ATF2: variants seen among roughly 807,000 people sequenced by gnomAD.
ATF2 encodes the protein activating transcription factor 2.
In ATF2, 24 loss-of-function variants were observed where a neutral mutation model predicts 60.6. That is an observed-to-expected ratio of 0.40 (90% CI 0.29 to 0.56). The LOEUF (loss-of-function observed/expected upper bound fraction) is 0.56. Ranked by LOEUF, ATF2 falls within the 20% of genes least tolerant of loss-of-function variation. ATF2 has a pLI of 0.54. For missense variants in ATF2, 433 were observed against 607.7 expected, an observed-to-expected ratio of 0.71 and a Z score of 3.02; for synonymous variants, 206 against 215.4, an observed-to-expected ratio of 0.96 and a Z score of 0.38.
At chr2:175,150,211 T>TATAA (rs1699218128) in intron 2 of ATF2, among the ~76,000 whole-genome samples, 1 of 152,196 alleles carries the variant, frequency 6.6e-6, no homozygotes, top group Admixed American at 6.5e-5. Context: ...AGATTTAAAT[T>TATAA]ATTTTCCGAA....
chr2:175,116,088 C>T (rs541840487), intron 7 of ATF2, among the ~76,000 whole-genome samples: 17 of 152,050 alleles, frequency 1.1e-4, no homozygotes, highest in African/African-American at 4.1e-4. Context: ...AGGGCTTATG[C>T]CAAGGAGTGT....
chr2:175,126,789 C>T (rs1163477760), intron 4 of ATF2: 1 of 152,102 alleles, frequency 6.6e-6, no homozygotes, highest in Non-Finnish European at 1.5e-5. Context: ...CAAAACTAGT[C>T]TTTGTCCAAA....
At chr2:175,113,253 G>A (rs979249922) in intron 9 of ATF2, among the ~76,000 whole-genome samples, 2 of 150,644 alleles carry the variant, frequency 1.3e-5, no homozygotes, top group East Asian at 3.9e-4. Flanking sequence ...GTTTTTAAAT[G>A]TTCATTAAAC....
intron 10 of ATF2, among the ~76,000 whole-genome samples, chr2:175,104,968 G>A (rs1695552938): frequency 6.6e-6 from 1 of 152,072 alleles, no homozygotes; most frequent in Non-Finnish European, 1.5e-5. Context: ...TGTAAGTGCT[G>A]AGATAATCTT....
chr2:175,088,166 G>GT (rs1320357781), intron 12 of ATF2, among the ~76,000 whole-genome samples: 2 of 152,120 alleles, frequency 1.3e-5, no homozygotes, highest in Admixed American at 6.5e-5. Flanking sequence ...AGCTTCAAAT[G>GT]TAAGTATTAG....
At chr2:175,128,920 C>A (rs1553510871) in intron 4 of ATF2, among the ~76,000 whole-genome samples, 1 of 151,946 alleles carries the variant, frequency 6.6e-6, no homozygotes, top group Admixed American at 6.6e-5. Context: ...CCAACAAACA[C>A]ATGAAAAAAG....
chr2:175,134,971 T>C (rs555586126), intron 3 of ATF2, among the ~76,000 whole-genome samples: 1 of 124,742 alleles, frequency 8.0e-6, no homozygotes, highest in African/African-American at 3.2e-5. Context: ...GCCACTGCAA[T>C]CCAGCCTGGG....
At position 175,117,838 on chromosome 2, in the gene ATF2, CTGAAATATCTGAGTAT is replaced by C. The variant is rs1245503138; in HGVS notation, c.447+136_447+151del. ...CAATAAAAGCTGCAGTCTTCTTACCCTGAAATATCTGAGTATTGACAGGCTTTCACATATAAAACTA... is the reference window on the plus strand; with the variant it reads ...CAATAAAAGCTGCAGTCTTCTTACCCTGACAGGCTTTCACATATAAAACTA... On this transcript the variant is annotated intron_variant, in intron 7 of 13. Coordinates refer to ENST00000264110, the MANE Select transcript of ATF2 (RefSeq NM_001880.4). 40 of 806,244 alleles carry C rather than the reference CTGAAATATCTGAGTAT, an allele frequency of 5.0e-5. No individual in the cohort carries two copies. In the African/African-American group the frequency reaches 5.6e-4, roughly 11 times the overall value. 49.9% of individuals were successfully genotyped at this position (806,244 alleles called of 1,614,324 possible).
At chr2:175,164,322 C>T (rs1235979481) in intron 1 of ATF2, among the ~76,000 whole-genome samples, 1 of 151,888 alleles carries the variant, frequency 6.6e-6, no homozygotes, top group African/African-American at 2.4e-5. Context: ...TCACTCGAGG[C>T]CAGGAAGTCG....
At chr2:175,081,634 C>A (rs1693763003) in intron 12 of ATF2, among the ~76,000 whole-genome samples, 1 of 152,184 alleles carries the variant, frequency 6.6e-6, no homozygotes, top group Non-Finnish European at 1.5e-5. Flanking sequence ...CACACAGTAA[C>A]TATAACCATT....
At chr2:175,118,393 T>C in intron 5 of ATF2, 24 bp from the exon 6 acceptor site, 1 of 1,565,708 alleles carries the variant, frequency 6.4e-7, no homozygotes, top group African/African-American at 1.4e-5. Flanking sequence ...CAAGAAGTAA[T>C]CATGCATATT....
At chr2:175,119,490 T>C (rs1285974805) in intron 5 of ATF2, among the ~76,000 whole-genome samples, 1 of 151,616 alleles carries the variant, frequency 6.6e-6, no homozygotes, top group African/African-American at 2.4e-5. Context: ...CCTAGAGGAC[T>C]AGTATTTTTA....
At chr2:175,130,372 A>G (rs1303671921) in intron 3 of ATF2, among the ~76,000 whole-genome samples, 165 bp from the exon 4 acceptor site, 1 of 152,116 alleles carries the variant, frequency 6.6e-6, no homozygotes, top group Non-Finnish European at 1.5e-5. Flanking sequence ...ATGAGAGTAG[A>G]TAAAATACAT....
rs181204802 is a variant in ATF2, at chr2:175,149,821, T to C, written c.-44+1239A>G. Among the ~76,000 whole-genome samples the C allele has an allele frequency of 1.2e-4, 18 of 152,292 alleles. No homozygotes were observed. In the South Asian group the frequency reaches 1.2e-3, roughly 11 times the overall value. Reference sequence around the variant, plus strand: ...TTAATCAGTTTCCTCCCTTATATCATCCATTTCCCATTCATCCATTCCTTT... The same window carrying C: ...TTAATCAGTTTCCTCCCTTATATCACCCATTTCCCATTCATCCATTCCTTT... On this transcript the variant is annotated intron_variant, in intron 2 of 13. Transcript: ENST00000264110.
At chr2:175,076,366 A>G (rs1341539127) in intron 13 of ATF2, among the ~76,000 whole-genome samples, 3 of 152,130 alleles carry the variant, frequency 2.0e-5, no homozygotes, top group Non-Finnish European at 2.9e-5. Context: ...ACCAACCACC[A>G]GAAGTAGTAA....
intron 1 of ATF2, among the ~76,000 whole-genome samples, chr2:175,156,796 G>A (rs767566701): frequency 7.2e-5 from 11 of 152,180 alleles, no homozygotes; most frequent in Non-Finnish European, 1.3e-4. Flanking sequence ...GGCTGGGCCC[G>A]CCTGGACTTC....
At chr2:175,098,554 A>AAG (rs1277184631) in intron 10 of ATF2, among the ~76,000 whole-genome samples, 2 of 152,154 alleles carry the variant, frequency 1.3e-5, no homozygotes, top group Non-Finnish European at 2.9e-5. Context: ...TGAGAGACAA[A>AAG]AGAGAGATAG....
At chr2:175,116,764 G>GAA (rs1196525090) in intron 7 of ATF2, among the ~76,000 whole-genome samples, 1 of 151,806 alleles carries the variant, frequency 6.6e-6, no homozygotes, top group Non-Finnish European at 1.5e-5. Context: ...CACGAACAAT[G>GAA]AAAAACTGTT....
intron 12 of ATF2, among the ~76,000 whole-genome samples, chr2:175,088,824 TA>T (rs147633106): frequency 0.068 from 10,315 of 152,116 alleles, 356 homozygotes; most frequent in East Asian, 0.12. Context: ...GACAAAGCTA[TA>T]AACAGGTAAA....
Sources: gnomAD v4.1 joint callset for allele counts (sites outside exome capture counted in the v4.1 genomes callset) on GRCh38, gnomAD v4.1.1 for gene constraint, MANE v1.5 for transcripts, NCBI Gene and HGNC (gene_info 2026-07-23, HGNC 2026-07-21) for gene names.